OLFM3: variants seen among roughly 807,000 people sequenced by gnomAD.
The protein encoded by OLFM3 is noelin-3.
OLFM3 carries 20 observed loss-of-function variants against 48.6 expected under a neutral mutation model. The ratio of observed to expected loss-of-function variants is 0.41; its 90% CI spans 0.29 to 0.60. The LOEUF is 0.60. OLFM3 is among the 20% of genes least tolerant of loss of function. The pLI, the probability that OLFM3 is intolerant of heterozygous loss-of-function variation, is 0.28. For missense variants in OLFM3, 437 were observed against 544.3 expected (o/e 0.80, Z 1.96); for synonymous variants, 222 against 198.1 (o/e 1.12, Z -1.01).
At chr1:101,816,385 A>C (rs35398737) in intron 4 of OLFM3, among the ~76,000 whole-genome samples, 13 of 152,206 alleles carry the variant, frequency 8.5e-5, no homozygotes, top group Admixed American at 7.2e-4. Flanking sequence ...GTTGTGAAAG[A>C]CAATAATTAA....
At chr1:101,820,717 A>G (rs1315345150) in intron 4 of OLFM3, among the ~76,000 whole-genome samples, 1 of 152,092 alleles carries the variant, frequency 6.6e-6, no homozygotes, top group Non-Finnish European at 1.5e-5. Flanking sequence ...GGGGTAACCT[A>G]GATTTTGCAG....
At chr1:101,985,684 C>T (rs1012338726) in intron 1 of OLFM3, among the ~76,000 whole-genome samples, 1 of 152,076 alleles carries the variant, frequency 6.6e-6, no homozygotes, top group Non-Finnish European at 1.5e-5. Flanking sequence ...GTAATTTACT[C>T]ATTTATCTTT....
intron 1 of OLFM3, among the ~76,000 whole-genome samples, chr1:101,927,761 A>G (rs1271753015): frequency 3.4e-5 from 5 of 148,994 alleles, no homozygotes; most frequent in African/African-American, 7.3e-5. Context: ...AAGTTTTAAT[A>G]TAATATTCTA....
At chr1:101,967,605 A>AAAAAAAAAAG (rs1660652430) in intron 1 of OLFM3, among the ~76,000 whole-genome samples, 1 of 150,570 alleles carries the variant, frequency 6.6e-6, no homozygotes, top group African/African-American at 2.4e-5. Flanking sequence ...AAAAAAAAAA[A>AAAAAAAAAAG]AAAAAAAAAG....
chr1:101,829,594 C>T (rs945602191), intron 3 of OLFM3, among the ~76,000 whole-genome samples: 2 of 152,214 alleles, frequency 1.3e-5, no homozygotes, highest in African/African-American at 4.8e-5. Context: ...TTACATGTTC[C>T]TCACTAGCTC....
chr1:101,853,430 C>T (rs1239353598), intron 1 of OLFM3, among the ~76,000 whole-genome samples: 1 of 151,944 alleles, frequency 6.6e-6, no homozygotes, highest in Non-Finnish European at 1.5e-5. Flanking sequence ...TCTTTTGCTG[C>T]TTTACTTTTT....
chr1:101,928,798 C>A (rs559672690), intron 1 of OLFM3, among the ~76,000 whole-genome samples: 85 of 152,146 alleles, frequency 5.6e-4, no homozygotes, highest in Non-Finnish European at 9.4e-4. Flanking sequence ...TTTTTATATT[C>A]ATTTTTAGAG....
intron 1 of OLFM3, among the ~76,000 whole-genome samples, chr1:101,967,883 C>CG (rs909733345): frequency 3.5e-4 from 54 of 152,126 alleles, no homozygotes; most frequent in African/African-American, 1.1e-3. Context: ...ATTCTTCCGC[C>CG]CCCAGCACCC....
intron 1 of OLFM3, among the ~76,000 whole-genome samples, chr1:101,871,993 G>T (rs78785807): frequency 0.011 from 1,702 of 152,148 alleles, 23 homozygotes; most frequent in Middle Eastern, 0.027. Context: ...TTGAGTTAAA[G>T]ATTTATGAAA....
At chr1:101,919,476 C>A (rs188946494) in intron 1 of OLFM3, among the ~76,000 whole-genome samples, 7 of 152,330 alleles carry the variant, frequency 4.6e-5, no homozygotes, top group Non-Finnish European at 7.4e-5. Context: ...CTGGACCTCT[C>A]AGTAGCATTC....
At chr1:101,946,657 A>G (rs964233925) in intron 1 of OLFM3, among the ~76,000 whole-genome samples, 1 of 152,180 alleles carries the variant, frequency 6.6e-6, no homozygotes, top group Non-Finnish European at 1.5e-5. Flanking sequence ...GAATATTTAT[A>G]TTAAATAGTG....
In OLFM3 at chr1:101,830,681, C is replaced by T; in HGVS notation, c.363G>A (p.Lys121=). ...CAGAAGTCAAACCTACCTGAAAATG[C>T]TTGGTCATAAGTGTCTTTCGATCAT... ...IEDDRKTLMT[K]HFQELKEKMD... Residue 121 remains lysine (K), a synonymous_variant, in exon 3 of 6, where the codon AAG becomes AAA. Transcript: ENST00000370103. 6.2e-7 allele frequency: 1 copy of T among 1,614,126 alleles called. No homozygotes were observed. The highest frequency in any genetic ancestry group is 8.5e-7 in the Non-Finnish European group (1 of 1,180,002).
At chr1:101,851,978 C>T (rs1656237588) in intron 1 of OLFM3, among the ~76,000 whole-genome samples, 1 of 152,110 alleles carries the variant, frequency 6.6e-6, no homozygotes, top group Non-Finnish European at 1.5e-5. Context: ...GATGCTGATG[C>T]TGCAATTCTT....
intron 1 of OLFM3, among the ~76,000 whole-genome samples, chr1:101,905,607 C>T (rs756648715): frequency 2.6e-5 from 4 of 152,060 alleles, no homozygotes; most frequent in Admixed American, 6.6e-5. Flanking sequence ...AGCTAACAGC[C>T]AGTTTCCAGG....
At chr1:101,902,976 A>C (rs1300027696) in intron 1 of OLFM3, among the ~76,000 whole-genome samples, 3 of 152,100 alleles carry the variant, frequency 2.0e-5, no homozygotes, top group Non-Finnish European at 4.4e-5. Flanking sequence ...CACTGTATGA[A>C]GGATAAAAGG....
At chr1:101,845,056 G>A (rs1349913157) in intron 1 of OLFM3, among the ~76,000 whole-genome samples, 1 of 151,890 alleles carries the variant, frequency 6.6e-6, no homozygotes, top group Admixed American at 6.6e-5. Context: ...ATCCAAAAAA[G>A]GTTTTCTCCA....
At position 101,802,683 on chromosome 1, in the gene OLFM3, A is replaced by G. The variant is rs535774463; in HGVS notation, c.*1555T>C. 6.6e-6 allele frequency: 1 copy of G among 151,816 alleles called. No homozygotes were observed. The highest frequency in any genetic ancestry group is 2.1e-4 in the South Asian group (1 of 4,828). 9.4% of individuals were successfully genotyped at this position (151,816 alleles called of 1,614,324 possible). On this transcript the variant is annotated 3_prime_UTR_variant, in exon 6 of 6. Transcript: ENST00000370103. Reference sequence around the variant, plus strand: ...TACACTTAAATGTTAGGATTTCTTTACATGATGCTTTATCTAAATCATTAC... The same window carrying G: ...TACACTTAAATGTTAGGATTTCTTTGCATGATGCTTTATCTAAATCATTAC...
At chr1:101,942,019 G>T (rs541754923) in intron 1 of OLFM3, among the ~76,000 whole-genome samples, 5 of 152,080 alleles carry the variant, frequency 3.3e-5, no homozygotes, top group African/African-American at 1.2e-4. Context: ...AGGAAGCAAG[G>T]TTCAGAGATA....
At chr1:101,883,959 T>C (rs1430181914) in intron 1 of OLFM3, among the ~76,000 whole-genome samples, 2 of 151,914 alleles carry the variant, frequency 1.3e-5, no homozygotes, top group Non-Finnish European at 2.9e-5. Context: ...TCCTGGTCTG[T>C]ATTGATTCTC....
Sources: gnomAD v4.1 joint callset for allele counts (sites outside exome capture counted in the v4.1 genomes callset) on GRCh38, gnomAD v4.1.1 for gene constraint, MANE v1.5 for transcripts, NCBI Gene and HGNC (gene_info 2026-07-23, HGNC 2026-07-21) for gene names.